Variants in GFPT1 observed in about 807,000 individuals in gnomAD.
GFPT1 encodes glutamine--fructose-6-phosphate aminotransferase [isomerizing] 1.
A neutral mutation model predicts 92.0 loss-of-function variants in GFPT1; 40 were observed. That is an observed-to-expected ratio of 0.43 (90% CI 0.34 to 0.57). The LOEUF (loss-of-function observed/expected upper bound fraction) is 0.57, where lower values mean the gene tolerates loss of function less well. Ranked by LOEUF, GFPT1 falls within the 20% of genes least tolerant of loss-of-function variation. GFPT1 has a pLI of 0.02. For synonymous variants in GFPT1, 269 were observed against 280.6 expected (o/e 0.96, Z 0.41); for missense variants, 448 against 869.1 (o/e 0.52, Z 6.09).
intron 1 of GFPT1, among the ~76,000 whole-genome samples, chr2:69,385,558 A>T: frequency 6.6e-6 from 1 of 151,546 alleles, no homozygotes; most frequent in African/African-American, 2.4e-5. Context: ...TTTTTTCAGT[A>T]AGTACTTTGA....
chr2:69,348,310 GC>G lies in GFPT1; in HGVS notation c.869del (p.Arg290ProfsTer13). 1 of 1,613,024 alleles carries G rather than the reference GC, an allele frequency of 6.2e-7. No homozygotes were observed. Among genetic ancestry groups the G allele is most frequent in the Non-Finnish European group, 8.5e-7 (1 of 1,179,016 alleles). ...DASAVIEHTNRVIFLEDDDVA... is the reference protein window; with the variant it reads ...DASAVIEHTNXVIFLEDDDVA... ...CATCATCATCTTCCAGAAAGATGAC[GC>G]GATTGGTGTGTTCTATGACAGCACT... is the stretch of plus-strand genomic sequence containing the variant. On this transcript the variant is annotated frameshift_variant, in exon 11 of 20. Coordinates refer to ENST00000357308, the MANE Select transcript of GFPT1 (RefSeq NM_001244710.2). LOFTEE classifies it high-confidence loss of function.
chr2:69,364,130 A>G (rs1201714988), intron 3 of GFPT1, among the ~76,000 whole-genome samples: 1 of 151,786 alleles, frequency 6.6e-6, no homozygotes, highest in Non-Finnish European at 1.5e-5. Flanking sequence ...AAAAAAAAAA[A>G]GACTTAGGAA....
chr2:69,375,815 C>G (rs980946929), intron 1 of GFPT1, among the ~76,000 whole-genome samples: 1 of 152,180 alleles, frequency 6.6e-6, no homozygotes, highest in Non-Finnish European at 1.5e-5. Flanking sequence ...GCATTCCCAA[C>G]CTCAAAGCAC....
At chr2:69,383,983 T>G (rs1217397492) in intron 1 of GFPT1, among the ~76,000 whole-genome samples, 1 of 152,162 alleles carries the variant, frequency 6.6e-6, no homozygotes, top group Non-Finnish European at 1.5e-5. Context: ...TTCACATTTA[T>G]AAAAACAATA....
In GFPT1 at chr2:69,324,287, A is replaced by G. The variant is rs1203388913; in HGVS notation, c.*1902T>C. The G allele has an allele frequency of 2.0e-5, 3 of 152,226 alleles. No individual in the cohort carries two copies. The highest frequency in any genetic ancestry group is 4.4e-5 in the Non-Finnish European group (3 of 68,042). 9.4% of individuals were successfully genotyped at this position (152,226 alleles called of 1,614,324 possible). On this transcript the variant is annotated 3_prime_UTR_variant, in exon 20 of 20. Transcript: ENST00000357308. ...TATGCAGACTAATGACTGACTTCAC[A>G]TATTAGTTTTAACTTAGAATGCTGA...
intron 17 of GFPT1, among the ~76,000 whole-genome samples, chr2:69,328,701 CTTTT>C (rs10634143): frequency 7.3e-6 from 1 of 136,212 alleles, no homozygotes; most frequent in Non-Finnish European, 1.5e-5. Context: ...CTGGTTAACC[CTTTT>C]TTTTTTTTTT....
At chr2:69,346,962 T>G (rs181836151) in intron 11 of GFPT1, among the ~76,000 whole-genome samples, 2 of 151,928 alleles carry the variant, frequency 1.3e-5, no homozygotes, top group African/African-American at 4.8e-5. Context: ...CAGGCTGGAG[T>G]GCAGCGGCAC....
Position 69,325,981 on chromosome 2 carries a change from A to C in GFPT1, c.*208T>G, listed in dbSNP as rs745878169. 2.2e-5 allele frequency: 12 copies of C among 542,746 alleles called. No individual in the cohort carries two copies. The highest frequency in any genetic ancestry group is 3.6e-5 in the Non-Finnish European group (11 of 307,996). The allele number at this position is 542,746 out of a possible 1,614,324, so 33.6% of individuals were successfully genotyped here. Reference sequence around the variant, plus strand: ...TACAGATTCCAATATAGATTCCATTATTCAAAGTCCTCCACAAATTACTGG... The same window carrying C: ...TACAGATTCCAATATAGATTCCATTCTTCAAAGTCCTCCACAAATTACTGG... On this transcript the variant is annotated 3_prime_UTR_variant, in exon 20 of 20. Coordinates refer to ENST00000357308, the MANE Select transcript of GFPT1 (RefSeq NM_001244710.2).
rs141898769 is a variant in GFPT1, at chr2:69,374,400, G to A, written c.8-287C>T. ...ACGATCTCGGCTCACGGCAAGCTCCGCCTCCCGGGTTCACACCATTCTCCT... is the reference window on the plus strand; with the variant it reads ...ACGATCTCGGCTCACGGCAAGCTCCACCTCCCGGGTTCACACCATTCTCCT... On this transcript the variant is annotated intron_variant, in intron 1 of 19. Coordinates refer to ENST00000357308, the MANE Select transcript of GFPT1 (RefSeq NM_001244710.2). Among the ~76,000 whole-genome samples, 819 of 150,878 alleles carry A rather than the reference G, an allele frequency of 5.4e-3. 5 individuals carry two copies. Among genetic ancestry groups the A allele is most frequent in the African/African-American group, 0.019 (784 of 41,020 alleles).
At chr2:69,376,490 G>C (rs1446054739) in intron 1 of GFPT1, among the ~76,000 whole-genome samples, 1 of 151,312 alleles carries the variant, frequency 6.6e-6, no homozygotes, top group Non-Finnish European at 1.5e-5. Context: ...CTGCACTCCA[G>C]CCTGGGAGAC....
intron 13 of GFPT1, among the ~76,000 whole-genome samples, chr2:69,339,862 A>T (rs1376268152): frequency 2.0e-5 from 3 of 152,148 alleles, no homozygotes. Flanking sequence ...ATTTTTTATT[A>T]TTCTTTTCCA....
chr2:69,363,526 A>T lies in GFPT1; in HGVS notation c.349+19T>A. 1 of 1,612,982 alleles carries T rather than the reference A, an allele frequency of 6.2e-7. No homozygotes were observed. The highest frequency in any genetic ancestry group is 8.5e-7 in the Non-Finnish European group (1 of 1,178,964). On this transcript the variant is annotated intron_variant, in intron 4 of 19. Coordinates refer to ENST00000357308, the MANE Select transcript of GFPT1 (RefSeq NM_001244710.2). ...TAGGTTTCCACAATCATTCCAAAGC[A>T]CAAAAAATCTTTCCATACCATTATT...
chr2:69,331,748 GT>G (rs1385077339), intron 15 of GFPT1, among the ~76,000 whole-genome samples: 1 of 48,660 alleles, frequency 2.1e-5, no homozygotes, highest in Non-Finnish European at 4.4e-5. Context: ...TTTTCACTTA[GT>G]AAGAACCTTT....
At chr2:69,344,914 T>C (rs1353770308) in intron 12 of GFPT1, among the ~76,000 whole-genome samples, 1 of 152,154 alleles carries the variant, frequency 6.6e-6, no homozygotes, top group African/African-American at 2.4e-5. Context: ...ATTACAGGCA[T>C]GAGCCACTGC....
intron 1 of GFPT1, among the ~76,000 whole-genome samples, chr2:69,380,547 T>A (rs1671984902): frequency 6.6e-6 from 1 of 152,202 alleles, no homozygotes; most frequent in Non-Finnish European, 1.5e-5. Flanking sequence ...ACTAGTTAAG[T>A]CATGACATCT....
Position 69,326,243 on chromosome 2 carries a change from G to GAAAA in GFPT1, c.2056-14_2056-11dup. The GAAAA allele has an allele frequency of 7.4e-7, 1 of 1,346,792 alleles. No homozygotes were observed. The highest frequency in any genetic ancestry group is 1.3e-5 in the South Asian group (1 of 79,870). 83.4% of individuals were successfully genotyped at this position (1,346,792 alleles called of 1,614,324 possible). A position where few individuals can be genotyped will look rare whatever the true frequency, so the allele number is the denominator to read the frequency against. ...TCCGTGGGAAATCAACCTGCAAAAAGAAAAAAAAAAAAAGCAAGATTTGAG... is the reference window on the plus strand; with the variant it reads ...TCCGTGGGAAATCAACCTGCAAAAAGAAAAAAAAAAAAAAAAAGCAAGATTTGAG... On this transcript the variant is annotated splice_polypyrimidine_tract_variant and intron_variant, in intron 19 of 19. Coordinates refer to ENST00000357308, the MANE Select transcript of GFPT1 (RefSeq NM_001244710.2).
intron 11 of GFPT1, among the ~76,000 whole-genome samples, chr2:69,346,921 T>C (rs980058231): frequency 4.0e-5 from 6 of 151,030 alleles, no homozygotes; most frequent in African/African-American, 1.5e-4. Flanking sequence ...TTTGTTTTGT[T>C]TTGTTTGAGA....
chr2:69,344,186 C>CAAAAAAAAAAAAAAAAAAAAAAA (rs10602884), intron 12 of GFPT1, among the ~76,000 whole-genome samples: 2 of 64,520 alleles, frequency 3.1e-5, no homozygotes, highest in African/African-American at 6.5e-5. Flanking sequence ...AAAAGCAAAG[C>CAAAAAAAAAAAAAAAAAAAAAAA]AAAAAAAAAA....
chr2:69,357,863 A>C (rs1348863881), intron 6 of GFPT1, among the ~76,000 whole-genome samples: 1 of 152,200 alleles, frequency 6.6e-6, no homozygotes, highest in African/African-American at 2.4e-5. Flanking sequence ...AAAAGGAAAA[A>C]TAAGTAGTTG....
Sources: gnomAD v4.1 joint callset for allele counts (sites outside exome capture counted in the v4.1 genomes callset) on GRCh38, gnomAD v4.1.1 for gene constraint, MANE v1.5 for transcripts, NCBI Gene and HGNC (gene_info 2026-07-23, HGNC 2026-07-21) for gene names.